The following FLG variants were observed in gnomAD, a reference collection of about 807,000 sequenced individuals.
FLG encodes epidermal filaggrin.
Under a neutral mutation model 3.8 loss-of-function variants are expected in FLG, and 6 were observed. The ratio of observed to expected loss-of-function variants is 1.60; its 90% CI spans 0.87 to 3.15. FLG has a LOEUF of 3.15. FLG is among the 30% of genes most tolerant of loss of function. The pLI is 0.00. For missense variants in FLG, 7,595 were observed against 5,050.9 expected (o/e 1.50, Z -15.27); for synonymous variants, 2,551 against 1,931.6 (o/e 1.32, Z -8.41).
Position 152,307,208 on chromosome 1 carries a change from T to G in FLG, c.7678A>C (p.Ser2560Arg), listed in dbSNP as rs539214986. 1 of 1,612,878 alleles carries G rather than the reference T, an allele frequency of 6.2e-7. No individual in the cohort carries two copies. Residue 2560 changes from serine (S) to arginine (R), a missense_variant, in exon 3 of 3, where the codon AGC becomes CGC. Ser to Arg is a moderately radical substitution (Grantham distance 110). Transcript: ENST00000368799. ...GQGQSEGPRT[S>R]RNWGSSFSQD... ...CTAAAACTGGATCCCCAGTTCCTGC[T>G]TGTCCTGGGCCCCTCTGATTGTCCC...
Position 152,307,540 on chromosome 1 carries a change from C to G in FLG, c.7346G>C (p.Ser2449Thr). Residue 2449 changes from serine to threonine, a missense_variant, in exon 3 of 3, where the codon AGC becomes ACC. Ser to Thr is a moderately conservative substitution (Grantham distance 58, BLOSUM62 1). Transcript: ENST00000368799. ...CTCTTGGGACGTTGAGTGCCTGGAG[C>G]TGTCTCGTGCCTGCTTGTGGTGGGA... is the stretch of plus-strand genomic sequence containing the variant. ...QGSHHKQARD[S>T]SRHSTSQEGQ... is the part of the protein sequence containing the mutation. 1 of 1,613,778 alleles carries G rather than the reference C, an allele frequency of 6.2e-7. No individual in the cohort carries two copies. The highest frequency in any genetic ancestry group is 8.5e-7 in the Non-Finnish European group (1 of 1,179,950).
rs775151784 is a variant in FLG at position 152,311,264 on chromosome 1, G to T, written c.3622C>A (p.His1208Asn). Residue 1208 changes from histidine (H) to asparagine (N), a missense_variant, in exon 3 of 3, where the codon CAT becomes AAT. Transcript: ENST00000368799. ...GCACTTCTGGATCCTGACTGCCCAT[G>T]GGAGGCATCAGACCTTCCCTGGGAT... is the stretch of plus-strand genomic sequence containing the variant. Reference protein sequence around the residue: ...TTSQGRSDASHGQSGSRSASR... With the variant: ...TTSQGRSDASNGQSGSRSASR... The T allele has an allele frequency of 6.2e-7, 1 of 1,613,774 alleles. No homozygotes were observed. Among genetic ancestry groups the T allele is most frequent in the Non-Finnish European group, 8.5e-7 (1 of 1,179,932 alleles).
At chr1:152,324,676 A>G (rs1210700370) in intron 1 of FLG, among the ~76,000 whole-genome samples, 1 of 151,800 alleles carries the variant, frequency 6.6e-6, no homozygotes, top group African/African-American at 2.4e-5. Flanking sequence ...TTTTAAGCTT[A>G]TCAGCTATTA....
Position 152,325,177 on chromosome 1 carries a change from A to G in FLG, c.-22+12T>C, listed in dbSNP as rs1653109066. 6.6e-6 allele frequency: 1 copy of G among 151,948 alleles called. No homozygotes were observed. Among genetic ancestry groups the G allele is most frequent in the Non-Finnish European group, 1.5e-5 (1 of 67,888 alleles). 9.4% of individuals were successfully genotyped at this position (151,948 alleles called of 1,614,324 possible). On this transcript the variant is annotated intron_variant, in intron 1 of 2. Transcript: ENST00000368799. ...ATAGTAAGTAGACAAAATTAAATGTATTCCTTCTTACCTTGTTCACCAAAA... is the reference window on the plus strand; with the variant it reads ...ATAGTAAGTAGACAAAATTAAATGTGTTCCTTCTTACCTTGTTCACCAAAA...
At position 152,314,374 on chromosome 1, in the gene FLG, T is replaced by G. The variant is rs1186667996; in HGVS notation, c.512A>C (p.Glu171Ala). 1 of 1,612,726 alleles carries G rather than the reference T, an allele frequency of 6.2e-7. No individual in the cohort carries two copies. The highest frequency in any genetic ancestry group is 8.5e-7 in the Non-Finnish European group (1 of 1,179,488). ...RKGYSPTHRE[E>A]EYGKNHHNSS... The stretch of plus-strand genomic sequence containing the variant: ...GTTATGATGGTTTTTTCCATATTCT[T>G]CTTCTCTATGAGTAGGTGAATATCC... Residue 171 changes from glutamate to alanine, a missense_variant, in exon 3 of 3, where the codon GAA (glutamate) becomes GCA (alanine). By Grantham distance (107) the Glu-to-Ala change is moderately radical. Transcript: ENST00000368799.
At position 152,313,799 on chromosome 1, in the gene FLG, T is replaced by A; in HGVS notation, c.1087A>T (p.Thr363Ser). The A allele has an allele frequency of 7.4e-6, 12 of 1,614,046 alleles. No homozygotes were observed. The Middle Eastern group carries it at 1.2e-3, about 155-fold the overall frequency. ...SRQSGTRHAE[T>S]SSRGQTASSH... ...GATGCAGTCTGTCCACGAGAGGAAGTCTCTGCGTGACGAGTGCCTGATTGT... is the reference window on the plus strand; with the variant it reads ...GATGCAGTCTGTCCACGAGAGGAAGACTCTGCGTGACGAGTGCCTGATTGT... The change falls in exon 3 of 3, where the codon ACT becomes TCT. Residue 363 changes from threonine to serine, a missense_variant. By Grantham distance (58) the Thr-to-Ser change is moderately conservative (BLOSUM62 1). Transcript: ENST00000368799.
At position 152,303,662 on chromosome 1, in the gene FLG, C is replaced by A; in HGVS notation, c.11224G>T (p.Ala3742Ser). ...GGRQGSRHEQ[A>S]RDSSRHSASQ... ...GCTGAGTGCCTGGAGCTGTCTCGTG[C>A]CTGCTCGTGGCGGGATCCTTGTCTT... The change falls in exon 3 of 3, where the codon GCA becomes TCA. Residue 3742 changes from alanine (A) to serine (S), a missense_variant. Ala to Ser is a moderately conservative substitution (Grantham distance 99, BLOSUM62 1). Coordinates refer to ENST00000368799, the MANE Select transcript of FLG (RefSeq NM_002016.2). 1 of 1,613,934 alleles carries A rather than the reference C, an allele frequency of 6.2e-7. No individual in the cohort carries two copies. Among genetic ancestry groups the A allele is most frequent in the Non-Finnish European group, 8.5e-7 (1 of 1,179,952 alleles).
Position 152,307,323 on chromosome 1 carries a change from T to C in FLG, c.7563A>G (p.Glu2521=), listed in dbSNP as rs1652042108. The C allele has an allele frequency of 6.2e-7, 1 of 1,613,386 alleles. No individual in the cohort carries two copies. The highest frequency in any genetic ancestry group is 8.5e-7 in the Non-Finnish European group (1 of 1,179,924). Reference sequence around the variant, plus strand: ...AGTGCCTGGAGCCGTCTCCTGATTGTTCATCGTTACGAGTTTGTCTGCTTG... The same window carrying C: ...AGTGCCTGGAGCCGTCTCCTGATTGCTCATCGTTACGAGTTTGTCTGCTTG... ...RSASRQTRND[E]QSGDGSRHSG... The change falls in exon 3 of 3, where the codon GAA becomes GAG. Residue 2521 remains glutamate, a synonymous_variant. Coordinates refer to ENST00000368799, the MANE Select transcript of FLG (RefSeq NM_002016.2).
rs769677999 is a variant in FLG, at chr1:152,314,494, CTTCT to C, written c.388_391del (p.Arg130GlufsTer63). ...TCCCTTATTCCCTTTTCTATTGTTT[CTTCT>C]TTCCAGACTTGAGGGTCTTTTTCTG... On this transcript the variant is annotated frameshift_variant, in exon 3 of 3. Coordinates refer to ENST00000368799, the MANE Select transcript of FLG (RefSeq NM_002016.2). LOFTEE classifies it low-confidence loss of function (END_TRUNC). 13 of 1,613,088 alleles carry C rather than the reference CTTCT, an allele frequency of 8.1e-6. No individual in the cohort carries two copies. In the African/African-American group the frequency reaches 1.7e-4, roughly 22 times the overall value.
Position 152,308,815 on chromosome 1 carries a change from T to C in FLG, c.6071A>G (p.His2024Arg). Reference protein sequence around the residue: ...ADSSRHSGIGHGQASSAVRDS... With the variant: ...ADSSRHSGIGRGQASSAVRDS... ...TCTGACTGCAGATGAAGCTTGTCCA[T>C]GCCCAATGCCTGAGTGTCTGGAGCT... Residue 2024 changes from histidine (H) to arginine (R), a missense_variant, in exon 3 of 3, where the codon CAT (histidine) becomes CGT (arginine). His to Arg is a conservative substitution (Grantham distance 29, BLOSUM62 0). Transcript: ENST00000368799. The C allele has an allele frequency of 6.2e-7, 1 of 1,614,188 alleles. No homozygotes were observed. The highest frequency in any genetic ancestry group is 1.3e-5 in the African/African-American group (1 of 75,060).
intron 1 of FLG, among the ~76,000 whole-genome samples, chr1:152,316,405 T>C (rs1652790643): frequency 6.6e-6 from 1 of 151,722 alleles, no homozygotes; most frequent in Non-Finnish European, 1.5e-5. Context: ...ATTAAGAAAC[T>C]TTAATAATTC....
Position 152,311,666 on chromosome 1 carries a change from T to G in FLG, c.3220A>C (p.Ser1074Arg). The G allele has an allele frequency of 6.2e-7, 1 of 1,614,142 alleles. No individual in the cohort carries two copies. The highest frequency in any genetic ancestry group is 8.5e-7 in the Non-Finnish European group (1 of 1,180,018). The change falls in exon 3 of 3, where the codon AGT becomes CGT. Residue 1074 changes from serine (S) to arginine (R), a missense_variant. Physicochemically the swap from Ser to Arg is moderately radical, Grantham distance 110 (BLOSUM62 -1). Transcript: ENST00000368799. ...TCTGACTCCTCTGAATGTCCCTCAC[T>G]ATCACTGGCCTGACTACCACTGGAC... ...WGSSGSQASD[S>R]EGHSEESDTQ...
rs1179521630 is a variant in FLG at position 152,310,052 on chromosome 1, C to G, written c.4834G>C (p.Glu1612Gln). 3 of 1,614,030 alleles carry G rather than the reference C, an allele frequency of 1.9e-6. No individual in the cohort carries two copies. Among genetic ancestry groups the G allele is most frequent in the Non-Finnish European group, 1.7e-6 (2 of 1,180,016 alleles). The change falls in exon 3 of 3, where the codon GAG (glutamate) becomes CAG (glutamine). Residue 1612 changes from glutamate (E) to glutamine (Q), a missense_variant. Transcript: ENST00000368799. ...GHSEDSERRS[E>Q]SASRNHYGSA... ...CCATAATGGTTTCTGGAAGCCGACT[C>G]AGACCGCCTCTCAGAGTCTTCTGAG...
Position 152,310,052 on chromosome 1 carries a change from C to T in FLG, c.4834G>A (p.Glu1612Lys). 1 of 1,614,030 alleles carries T rather than the reference C, an allele frequency of 6.2e-7. No homozygotes were observed. The highest frequency in any genetic ancestry group is 8.5e-7 in the Non-Finnish European group (1 of 1,180,016). Residue 1612 changes from glutamate (E) to lysine (K), a missense_variant, in exon 3 of 3, where the codon GAG becomes AAG. Glu to Lys is a moderately conservative substitution (Grantham distance 56). Transcript: ENST00000368799. Reference protein sequence around the residue: ...GHSEDSERRSESASRNHYGSA... With the variant: ...GHSEDSERRSKSASRNHYGSA... ...CCATAATGGTTTCTGGAAGCCGACT[C>T]AGACCGCCTCTCAGAGTCTTCTGAG...
Position 152,313,803 on chromosome 1 carries a change from T to C in FLG, c.1083A>G (p.Ala361=), listed in dbSNP as rs752163880. 1 of 1,614,130 alleles carries C rather than the reference T, an allele frequency of 6.2e-7. No homozygotes were observed. The highest frequency in any genetic ancestry group is 8.5e-7 in the Non-Finnish European group (1 of 1,180,012). ...CAGTCTGTCCACGAGAGGAAGTCTC[T>C]GCGTGACGAGTGCCTGATTGTCTGG... ...DSSRQSGTRH[A]ETSSRGQTAS... Residue 361 remains alanine, a synonymous_variant, in exon 3 of 3, where the codon GCA becomes GCG. Transcript: ENST00000368799.
In FLG at chr1:152,310,179, G is replaced by T; in HGVS notation, c.4707C>A (p.Gly1569=). The T allele has an allele frequency of 1.2e-6, 2 of 1,613,870 alleles. No individual in the cohort carries two copies. The highest frequency in any genetic ancestry group is 1.7e-6 in the Non-Finnish European group (2 of 1,179,960). Residue 1569 remains glycine, a synonymous_variant, in exon 3 of 3, where the codon GGC becomes GGA. Transcript: ENST00000368799. ...SRHHEPSTRA[G]SSRHSQVGQG... is the part of the protein sequence containing the mutation. ...GGCCCACCTGTGAGTGTCTAGAGCT[G>T]CCGGCCCGAGTGGAAGGTTCATGGT...
At position 152,310,357 on chromosome 1, in the gene FLG, T is replaced by C. The variant is rs149284528; in HGVS notation, c.4529A>G (p.Asp1510Gly). 6.2e-7 allele frequency: 1 copy of C among 1,613,884 alleles called. No homozygotes were observed. Among genetic ancestry groups the C allele is most frequent in the Non-Finnish European group, 8.5e-7 (1 of 1,179,994 alleles). ...RQGSYHEQSV[D>G]RSGHSGYHHS... is the part of the protein sequence containing the mutation. ...ATGGTACCCTGAGTGTCCAGACCTA[T>C]CTACTGATTGCTCGTGGTAGGATCC... Residue 1510 changes from aspartate to glycine, a missense_variant, in exon 3 of 3, where the codon GAT (aspartate) becomes GGT (glycine). Physicochemically the swap from Asp to Gly is moderately conservative, Grantham distance 94 (BLOSUM62 -1). Transcript: ENST00000368799.
intron 1 of FLG, among the ~76,000 whole-genome samples, chr1:152,322,437 A>C (rs1272852941): frequency 6.6e-6 from 1 of 151,320 alleles, no homozygotes; most frequent in Non-Finnish European, 1.5e-5. Context: ...ATAAGTATAC[A>C]AAAATCAATT....
chr1:152,302,722 T>C lies in FLG; in HGVS notation c.12164A>G (p.Gln4055Arg). 6.2e-7 allele frequency: 1 copy of C among 1,613,888 alleles called. No homozygotes were observed. The highest frequency in any genetic ancestry group is 8.5e-7 in the Non-Finnish European group (1 of 1,179,770). ...ISKQLGFSQS[Q>R]RYYYYE ...TTCTTACTCATAGTAATAGTATCTC[T>C]GTGACTGACTAAATCCCAGTTGTTT... is the stretch of plus-strand genomic sequence containing the variant. Residue 4055 changes from glutamine to arginine, a missense_variant, in exon 3 of 3, where the codon CAG becomes CGG. Gln to Arg is a conservative substitution (Grantham distance 43, BLOSUM62 1). Transcript: ENST00000368799.
Sources: gnomAD v4.1 joint callset for allele counts (sites outside exome capture counted in the v4.1 genomes callset) on GRCh38, gnomAD v4.1.1 for gene constraint, MANE v1.5 for transcripts, NCBI Gene and HGNC (gene_info 2026-07-23, HGNC 2026-07-21) for gene names.